The following SFXN1 variants were observed in gnomAD, a reference collection of about 807,000 sequenced individuals.
SFXN1 encodes the protein sideroflexin 1.
SFXN1 carries 32 observed loss-of-function variants against 39.5 expected under a neutral mutation model. That is an observed-to-expected ratio of 0.81 (90% confidence interval 0.61 to 1.09). The LOEUF is 1.09. SFXN1 is among the 50% of genes least tolerant of loss of function. The pLI, the probability that SFXN1 is intolerant of heterozygous loss-of-function variation, is 0.00. For missense variants in SFXN1, 402 were observed against 407.1 expected, an observed-to-expected ratio of 0.99 and a Z score of 0.11; for synonymous variants, 136 against 146.5, an observed-to-expected ratio of 0.93 and a Z score of 0.52.
chr5:175,491,772 C>T lies in SFXN1; in HGVS notation c.-9-323C>T, dbSNP rs1759664222. On this transcript the variant is annotated intron_variant, in intron 1 of 10. Coordinates refer to ENST00000321442, the MANE Select transcript of SFXN1 (RefSeq NM_022754.7). The stretch of plus-strand genomic sequence containing the variant: ...AAAGTGCTGGGAACATAGGTGTGAG[C>T]TGCCGCACCCATCCTAAAACTTTTC... The T allele has an allele frequency of 1.6e-5, 3 of 187,274 alleles. No homozygotes were observed. In the Admixed American group the frequency reaches 1.8e-4, roughly 11 times the overall value. The allele number at this position is 187,274 out of a possible 1,614,324, so 11.6% of individuals were successfully genotyped here.
At chr5:175,483,123 G>C (rs112418259) in intron 1 of SFXN1, among the ~76,000 whole-genome samples, 247 of 152,298 alleles carry the variant, frequency 1.6e-3, no homozygotes, top group African/African-American at 5.8e-3. Context: ...AATTTAAACA[G>C]TTTTTAATTT....
At chr5:175,505,420 CCA>C (rs1297638890) in intron 2 of SFXN1, among the ~76,000 whole-genome samples, 2 of 151,404 alleles carry the variant, frequency 1.3e-5, no homozygotes, top group African/African-American at 4.9e-5. Flanking sequence ...GCCTGTAATC[CCA>C]GTTACCCAGG....
intron 2 of SFXN1, among the ~76,000 whole-genome samples, chr5:175,501,689 C>T (rs1760089660): frequency 6.6e-6 from 1 of 152,112 alleles, no homozygotes; most frequent in South Asian, 2.1e-4. Flanking sequence ...TAGGACACTT[C>T]ACCATAGAAG....
intron 10 of SFXN1, among the ~76,000 whole-genome samples, chr5:175,524,956 A>G (rs1761015023): frequency 6.6e-6 from 1 of 152,258 alleles, no homozygotes; most frequent in Non-Finnish European, 1.5e-5. Context: ...TTAGAAAGTC[A>G]GAATAGGCCA....
chr5:175,481,726 C>G (rs1409825099), intron 1 of SFXN1, among the ~76,000 whole-genome samples: 18 of 152,156 alleles, frequency 1.2e-4, no homozygotes, highest in Non-Finnish European at 1.5e-5. Context: ...CTAGGCAGGC[C>G]CAACGTCTCC....
At chr5:175,509,263 T>C (rs1273878380) in intron 3 of SFXN1, 61 bp downstream of exon 3, 1 of 1,485,202 alleles carries the variant, frequency 6.7e-7, no homozygotes, top group Non-Finnish European at 9.0e-7. Flanking sequence ...AGTATATTTT[T>C]GTATGTAAAT....
At chr5:175,484,944 A>G (rs974762359) in intron 1 of SFXN1, among the ~76,000 whole-genome samples, 4 of 152,190 alleles carry the variant, frequency 2.6e-5, no homozygotes, top group Non-Finnish European at 5.9e-5. Flanking sequence ...AAAATGGATC[A>G]ATTTACCTGG....
At chr5:175,526,348 C>A (rs542721585) in intron 10 of SFXN1, among the ~76,000 whole-genome samples, 2 of 152,078 alleles carry the variant, frequency 1.3e-5, no homozygotes, top group South Asian at 4.1e-4. Flanking sequence ...ACCAGCAGGG[C>A]CTGAGAGTGT....
chr5:175,521,600 C>G (rs1165099793), intron 8 of SFXN1, among the ~76,000 whole-genome samples: 1 of 152,190 alleles, frequency 6.6e-6, no homozygotes, highest in African/African-American at 2.4e-5. Context: ...TCCTACCTCC[C>G]CAGCCAGGGG....
At chr5:175,521,870 C>G in intron 8 of SFXN1, 49 bp from the exon 9 acceptor site, 1 of 1,477,476 alleles carries the variant, frequency 6.8e-7, no homozygotes, top group Middle Eastern at 1.8e-4. Context: ...GATATTGCCT[C>G]TAAGACCCTG....
chr5:175,524,069 A>C (rs1760960089), intron 10 of SFXN1: 2 of 142,886 alleles, frequency 1.4e-5, no homozygotes, highest in African/African-American at 5.2e-5. Flanking sequence ...ACGCTACTGC[A>C]TTCCAGCCTG....
chr5:175,513,420 T>C, intron 6 of SFXN1, 43 bp from the exon 7 acceptor site: 1 of 1,598,024 alleles, frequency 6.3e-7, no homozygotes, highest in South Asian at 1.1e-5. Flanking sequence ...GGACGTTTAT[T>C]GAAGGCATTG....
At chr5:175,521,783 A>G (rs1397982089) in intron 8 of SFXN1, 136 bp from the exon 9 acceptor site, 2 of 655,488 alleles carry the variant, frequency 3.1e-6, no homozygotes, top group Non-Finnish European at 5.2e-6. Flanking sequence ...TTGTTGCAGC[A>G]TTTCCCCCAA....
At chr5:175,478,814 G>C (rs548324703) in intron 1 of SFXN1, 175 bp downstream of exon 1, 3 of 152,318 alleles carry the variant, frequency 2.0e-5, no homozygotes, top group South Asian at 2.1e-4. Context: ...GGGCCGGGGG[G>C]GGGGTCCCTG....
intron 1 of SFXN1, among the ~76,000 whole-genome samples, chr5:175,490,780 A>C (rs959660074): frequency 2.0e-5 from 3 of 152,124 alleles, no homozygotes; most frequent in African/African-American, 7.2e-5. Context: ...ACCAAAAACC[A>C]CTTAAACATT....
In SFXN1 at chr5:175,521,930, G is replaced by A. The variant is rs991420975; in HGVS notation, c.786G>A (p.Trp262Ter). Residue 262 changes from tryptophan (W) to a stop codon, truncating the protein, a stop_gained, in exon 9 of 11, where the codon TGG (tryptophan) becomes TGA (stop). Transcript: ENST00000321442. LOFTEE classifies it high-confidence loss of function. The part of the protein sequence containing the change: ...EKKAFLKRFP[W>*]MSAPIQVGLV... ...ATTTCTCAACACAGAGGTTCCCATG[G>A]ATGAGTGCACCCATTCAAGTTGGGT... 18 of 1,599,228 alleles carry A rather than the reference G, an allele frequency of 1.1e-5. No homozygotes were observed. The highest frequency in any genetic ancestry group is 1.5e-5 in the Non-Finnish European group (17 of 1,170,066).
chr5:175,511,864 C>CTCTCTCTCTCTCT (rs33977399), intron 5 of SFXN1, among the ~76,000 whole-genome samples: 12 of 130,098 alleles, frequency 9.2e-5, no homozygotes, highest in South Asian at 7.0e-4. Context: ...TCTCTCTCTC[C>CTCTCTCTCTCTCT]CCACTCCAAA....
chr5:175,484,445 G>C (rs887306356), intron 1 of SFXN1, among the ~76,000 whole-genome samples: 4 of 152,220 alleles, frequency 2.6e-5, no homozygotes, highest in Non-Finnish European at 5.9e-5. Context: ...CCAGGTGTGC[G>C]GGGCACATGC....
intron 2 of SFXN1, among the ~76,000 whole-genome samples, chr5:175,506,313 G>T (rs1398618249): frequency 6.6e-6 from 1 of 152,078 alleles, no homozygotes; most frequent in East Asian, 1.9e-4. Flanking sequence ...AATAAAAATT[G>T]GGGTTAATCG....
Sources: gnomAD v4.1 joint callset for allele counts (sites outside exome capture counted in the v4.1 genomes callset) on GRCh38, gnomAD v4.1.1 for gene constraint, MANE v1.5 for transcripts, NCBI Gene and HGNC (gene_info 2026-07-23, HGNC 2026-07-21) for gene names.